Variants in TRPC7 observed in about 807,000 individuals in gnomAD.
TRPC7 encodes short transient receptor potential channel 7.
Under a neutral mutation model 90.1 loss-of-function variants are expected in TRPC7, and 42 were observed. The ratio of observed to expected loss-of-function variants is 0.47; its 90% CI spans 0.36 to 0.60. TRPC7 has a LOEUF of 0.60. Among genes scored for constraint, TRPC7 ranks in the 20% least tolerant of loss-of-function variants. TRPC7 has a pLI of 0.00. For missense variants in TRPC7, 955 were observed against 1,112.3 expected (o/e 0.86, Z 2.01); for synonymous variants, 451 against 436.3 (o/e 1.03, Z -0.42).
At chr5:136,236,860 G>A (rs1410468106) in intron 7 of TRPC7, among the ~76,000 whole-genome samples, 3 of 152,146 alleles carry the variant, frequency 2.0e-5, no homozygotes, top group African/African-American at 4.8e-5. Flanking sequence ...CCACTGAATA[G>A]TTCAGTTCAG....
intron 2 of TRPC7, among the ~76,000 whole-genome samples, chr5:136,336,132 T>A (rs1759653659): frequency 6.6e-6 from 1 of 152,140 alleles, no homozygotes; most frequent in African/African-American, 2.4e-5. Context: ...TACTCATTCT[T>A]CAAGGACCAC....
At chr5:136,287,723 A>C (rs28540821) in intron 3 of TRPC7, among the ~76,000 whole-genome samples, 50 of 127,740 alleles carry the variant, frequency 3.9e-4, no homozygotes, top group Middle Eastern at 4.1e-3. Context: ...AAAAAAAAAA[A>C]AAAAAACCCA....
chr5:136,228,876 C>G (rs763512815), intron 8 of TRPC7, among the ~76,000 whole-genome samples: 1 of 152,186 alleles, frequency 6.6e-6, no homozygotes, highest in Non-Finnish European at 1.5e-5. Context: ...CTGCATGTCG[C>G]GGCCCCTTTC....
At chr5:136,361,173 G>C (rs1464894270) in intron 1 of TRPC7, among the ~76,000 whole-genome samples, 1 of 152,128 alleles carries the variant, frequency 6.6e-6, no homozygotes, top group African/African-American at 2.4e-5. Context: ...TCCCTAAAAT[G>C]CAATTGGCAT....
chr5:136,316,597 G>A (rs1399698768), intron 2 of TRPC7, among the ~76,000 whole-genome samples: 3 of 151,940 alleles, frequency 2.0e-5, no homozygotes, highest in African/African-American at 7.3e-5. Flanking sequence ...CCTTTCCCTA[G>A]GTATACCTGT....
intron 3 of TRPC7, among the ~76,000 whole-genome samples, chr5:136,305,249 T>C (rs922020282): frequency 6.6e-6 from 1 of 152,076 alleles, no homozygotes; most frequent in African/African-American, 2.4e-5. Context: ...TTTCCCCATA[T>C]TTCCTTCTTT....
intron 2 of TRPC7, among the ~76,000 whole-genome samples, chr5:136,324,326 G>A (rs191494364): frequency 2.1e-4 from 32 of 152,220 alleles, no homozygotes; most frequent in Admixed American, 1.7e-3. Context: ...ACATTGCTTT[G>A]AAGATTGATA....
rs767031610 is a variant in TRPC7 at position 136,287,687 on chromosome 5, C to CAAAAAAAAAAAAAAAAAAAAA, written c.964-12871_964-12851dup. On this transcript the variant is annotated intron_variant, in intron 3 of 11. Transcript: ENST00000513104. ...TAGTGTCAGGGACAGAGTGGATGCT[C>CAAAAAAAAAAAAAAAAAAAAA]AAAAAAAAAAAAAAAAAAAAAAAAA... Among the ~76,000 whole-genome samples the CAAAAAAAAAAAAAAAAAAAAA allele has an allele frequency of 1.5e-4, 9 of 59,516 alleles. 1 individual carries two copies. The highest frequency in any genetic ancestry group is 2.3e-4 in the Non-Finnish European group (8 of 34,144). 39.0% of individuals were successfully genotyped at this position (59,516 alleles called of 152,430 possible).
intron 6 of TRPC7, among the ~76,000 whole-genome samples, chr5:136,250,240 C>T (rs188282735): frequency 6.2e-4 from 95 of 152,212 alleles, no homozygotes; most frequent in African/African-American, 2.1e-3. Flanking sequence ...GGAGATTTCC[C>T]TACCACATTT....
intron 3 of TRPC7, among the ~76,000 whole-genome samples, chr5:136,276,595 A>C (rs541003753): frequency 2.0e-5 from 3 of 152,330 alleles, no homozygotes; most frequent in East Asian, 3.9e-4. Context: ...GGTTTCTTTG[A>C]CCCTACAGCC....
At chr5:136,302,537 G>T (rs991098416) in intron 3 of TRPC7, among the ~76,000 whole-genome samples, 2 of 151,962 alleles carry the variant, frequency 1.3e-5, no homozygotes, top group African/African-American at 4.8e-5. Context: ...CTTTTCTCTG[G>T]GCTGGCCTCC....
intron 3 of TRPC7, among the ~76,000 whole-genome samples, chr5:136,279,324 CT>C (rs1439108504): frequency 6.6e-6 from 1 of 152,172 alleles, no homozygotes; most frequent in Non-Finnish European, 1.5e-5. Context: ...GAAGAAAGTC[CT>C]TAATGAACCA....
intron 3 of TRPC7, among the ~76,000 whole-genome samples, chr5:136,294,350 G>A (rs1758077454): frequency 6.6e-6 from 1 of 152,098 alleles, no homozygotes; most frequent in Non-Finnish European, 1.5e-5. Flanking sequence ...GAGTGAACAG[G>A]CAACCTACAG....
chr5:136,362,972 G>A (rs543269470), intron 1 of TRPC7, among the ~76,000 whole-genome samples: 1 of 152,202 alleles, frequency 6.6e-6, no homozygotes, highest in African/African-American at 2.4e-5. Flanking sequence ...CAGTACACTG[G>A]AGCTGTTGGT....
rs948348736 is a variant in TRPC7, at chr5:136,265,223, A to C, written c.1345+997T>G. ...CATAATGAAAATTATACCAATATTA[A>C]AATTTTTGTTCAGAAAGCAAAATCT... On this transcript the variant is annotated intron_variant, in intron 5 of 11. Coordinates refer to ENST00000513104, the MANE Select transcript of TRPC7 (RefSeq NM_020389.3). Among the ~76,000 whole-genome samples, 5 of 152,184 alleles carry C rather than the reference A, an allele frequency of 3.3e-5. No individual in the cohort carries two copies. The South Asian group carries it at 1.0e-3, about 32-fold the overall frequency.
chr5:136,225,730 C>G (rs190092310), intron 9 of TRPC7, among the ~76,000 whole-genome samples: 183 of 152,136 alleles, frequency 1.2e-3, no homozygotes, highest in Non-Finnish European at 1.5e-3. Context: ...AAAAGCTGTT[C>G]CATTTCCAAG....
At chr5:136,338,608 T>A (rs1759742743) in intron 2 of TRPC7, among the ~76,000 whole-genome samples, 1 of 152,222 alleles carries the variant, frequency 6.6e-6, no homozygotes, top group Non-Finnish European at 1.5e-5. Flanking sequence ...GACCTTTATG[T>A]CAGATACTCA....
chr5:136,276,244 G>A (rs1368577137), intron 3 of TRPC7, among the ~76,000 whole-genome samples: 1 of 152,160 alleles, frequency 6.6e-6, no homozygotes, highest in African/African-American at 2.4e-5. Context: ...GCTTTTGACA[G>A]GTCTGCCCTT....
At chr5:136,301,888 T>C (rs1176254657) in intron 3 of TRPC7, among the ~76,000 whole-genome samples, 3 of 152,184 alleles carry the variant, frequency 2.0e-5, no homozygotes, top group African/African-American at 7.2e-5. Flanking sequence ...CAATCCCCCG[T>C]CTTCCTGCTC....
Sources: gnomAD v4.1 joint callset for allele counts (sites outside exome capture counted in the v4.1 genomes callset) on GRCh38, gnomAD v4.1.1 for gene constraint, MANE v1.5 for transcripts, NCBI Gene and HGNC (gene_info 2026-07-23, HGNC 2026-07-21) for gene names.